WSCD2: variants seen among roughly 807,000 people sequenced by gnomAD.
WSCD2 encodes the protein sialate:O-sulfotransferase 2.
Under a neutral mutation model 55.7 loss-of-function variants are expected in WSCD2, and 28 were observed. That is an observed-to-expected ratio of 0.50 (90% CI 0.37 to 0.69). The LOEUF (loss-of-function observed/expected upper bound fraction) is 0.69. WSCD2 is among the 30% of genes least tolerant of loss of function. WSCD2 has a pLI of 0.00. For synonymous variants in WSCD2, 301 were observed against 301.9 expected (o/e 1.00, Z 0.03); for missense variants, 616 against 762.1 (o/e 0.81, Z 2.26).
In WSCD2 at chr12:108,249,774, C is replaced by T. The variant is rs1309007421; in HGVS notation, c.*1431C>T. ...TAAGAGGAATATGATTAATACATTC[C>T]GCCCCTTGGAACCTGGCCATGCAAA... On this transcript the variant is annotated 3_prime_UTR_variant, in exon 9 of 9. Transcript: ENST00000547525. 5 of 152,580 alleles carry T rather than the reference C, an allele frequency of 3.3e-5. No individual in the cohort carries two copies. Among genetic ancestry groups the T allele is most frequent in the South Asian group, 2.1e-4 (1 of 4,828 alleles). 9.5% of individuals were successfully genotyped at this position (152,580 alleles called of 1,614,324 possible).
At chr12:108,227,381 C>T (rs1050459062) in intron 6 of WSCD2, among the ~76,000 whole-genome samples, 2 of 152,240 alleles carry the variant, frequency 1.3e-5, no homozygotes, top group African/African-American at 4.8e-5. Flanking sequence ...ATCTCTATCC[C>T]TCATCACTGA....
At chr12:108,223,608 T>C (rs4964239) in intron 4 of WSCD2, among the ~76,000 whole-genome samples, 105,146 of 152,052 alleles carry the variant, frequency 0.69, 36,757 homozygotes, top group East Asian at 0.87. Context: ...TAAATCTTTG[T>C]GCACATCTGT....
chr12:108,204,779 G>T (rs1885121897), intron 2 of WSCD2, among the ~76,000 whole-genome samples: 1 of 152,222 alleles, frequency 6.6e-6, no homozygotes, highest in Admixed American at 6.5e-5. Flanking sequence ...TGAAAAAATA[G>T]TGCACTTAGC....
At chr12:108,159,322 T>TGTA (rs1878837114) in intron 1 of WSCD2, among the ~76,000 whole-genome samples, 1 of 152,212 alleles carries the variant, frequency 6.6e-6, no homozygotes, top group South Asian at 2.1e-4. Context: ...TACACCATAC[T>TGTA]CAGTCCTAAG....
intron 1 of WSCD2, among the ~76,000 whole-genome samples, chr12:108,150,577 A>G (rs1001592844): frequency 6.6e-6 from 1 of 152,156 alleles, no homozygotes; most frequent in East Asian, 1.9e-4. Flanking sequence ...GGAGTATGGT[A>G]GGAACACAGC....
chr12:108,136,528 G>T (rs528175730), intron 1 of WSCD2, among the ~76,000 whole-genome samples: 5 of 152,274 alleles, frequency 3.3e-5, no homozygotes, highest in Non-Finnish European at 5.9e-5. Flanking sequence ...TGTATGCAGG[G>T]TGTTTACAGT....
intron 2 of WSCD2, among the ~76,000 whole-genome samples, chr12:108,203,576 C>T (rs936423260): frequency 1.3e-5 from 2 of 152,180 alleles, no homozygotes; most frequent in African/African-American, 4.8e-5. Flanking sequence ...GATGGAAAAA[C>T]CTATCTAGAG....
At chr12:108,155,626 G>A (rs903895225) in intron 1 of WSCD2, among the ~76,000 whole-genome samples, 8 of 152,118 alleles carry the variant, frequency 5.3e-5, no homozygotes, top group Non-Finnish European at 1.2e-4. Context: ...TCTACCACTT[G>A]TGAGTTTTGT....
intron 2 of WSCD2, among the ~76,000 whole-genome samples, chr12:108,199,195 A>G (rs1398999150): frequency 6.6e-6 from 1 of 152,226 alleles, no homozygotes; most frequent in Non-Finnish European, 1.5e-5. Flanking sequence ...AACATATTAG[A>G]TTAACGCTAA....
intron 4 of WSCD2, among the ~76,000 whole-genome samples, chr12:108,211,803 G>C (rs534373327): frequency 2.1e-5 from 3 of 144,998 alleles, no homozygotes; most frequent in African/African-American, 7.7e-5. Flanking sequence ...AGAGTTTCCC[G>C]CCACCATGCC....
chr12:108,237,428 A>G (rs1034451920), intron 7 of WSCD2, among the ~76,000 whole-genome samples: 1 of 152,234 alleles, frequency 6.6e-6, no homozygotes, highest in African/African-American at 2.4e-5. Context: ...ATTTAAATAT[A>G]TCATGTTTAC....
At chr12:108,140,068 C>A (rs1367181968) in intron 1 of WSCD2, among the ~76,000 whole-genome samples, 1 of 152,138 alleles carries the variant, frequency 6.6e-6, no homozygotes, top group Non-Finnish European at 1.5e-5. Context: ...GAGTTCTCAG[C>A]CCAGGGCAAG....
intron 4 of WSCD2, among the ~76,000 whole-genome samples, chr12:108,223,537 A>C (rs1451524210): frequency 2.0e-5 from 3 of 152,166 alleles, no homozygotes; most frequent in African/African-American, 7.2e-5. Flanking sequence ...CTAGACACCT[A>C]GGTTGTTTCT....
At position 108,249,882 on chromosome 12, in the gene WSCD2, G is replaced by C. The variant is rs576121272; in HGVS notation, c.*1539G>C. 1.3e-5 allele frequency: 2 copies of C among 152,730 alleles called. No individual in the cohort carries two copies. The highest frequency in any genetic ancestry group is 4.1e-4 in the South Asian group (2 of 4,820). 9.5% of individuals were successfully genotyped at this position (152,730 alleles called of 1,614,324 possible). On this transcript the variant is annotated 3_prime_UTR_variant, in exon 9 of 9. Transcript: ENST00000547525. The stretch of plus-strand genomic sequence containing the variant: ...TTTGGGCTGCCCCAGGCCCACCCAG[G>C]GGGCTCTGAATGTATTTTGTACCGT...
At chr12:108,206,149 C>T (rs561909437) in intron 2 of WSCD2, 140 bp from the exon 3 acceptor site, 12 of 699,152 alleles carry the variant, frequency 1.7e-5, no homozygotes, top group Non-Finnish European at 5.0e-6. Context: ...GACTTTCACT[C>T]TCTCATTTCT....
In WSCD2 at chr12:108,224,693, T is replaced by G. The variant is rs530567954; in HGVS notation, c.683-46T>G. The G allele has an allele frequency of 3.1e-6, 5 of 1,587,876 alleles. No individual in the cohort carries two copies. In the African/African-American group the frequency reaches 5.4e-5, roughly 17 times the overall value. ...AGAATGTGGTTTTCCCAACCAGATC[T>G]GACTCCTTGTATATCTGACTAGTCC... On this transcript the variant is annotated intron_variant, in intron 4 of 8. Transcript: ENST00000547525.
chr12:108,210,371 A>G lies in WSCD2; in HGVS notation c.682+66A>G. 3 of 1,505,016 alleles carry G rather than the reference A, an allele frequency of 2.0e-6. No homozygotes were observed. Among genetic ancestry groups the G allele is most frequent in the Non-Finnish European group, 2.7e-6 (3 of 1,130,412 alleles). 93.2% of individuals were successfully genotyped at this position (1,505,016 alleles called of 1,614,324 possible). A position where few individuals can be genotyped will look rare whatever the true frequency, so the allele number is the denominator to read the frequency against. ...CAGCTGCAGCCCTTGCCCACCAAAG[A>G]GTCCCACATGTCTGCCCTGTACCCT... On this transcript the variant is annotated intron_variant, in intron 4 of 8. Coordinates refer to ENST00000547525, the MANE Select transcript of WSCD2 (RefSeq NM_014653.4). This position sits in a 1 kb window ranked among gnomAD's most constrained non-coding sequence, Gnocchi z 4.3.
intron 1 of WSCD2, among the ~76,000 whole-genome samples, chr12:108,147,890 A>G (rs1877569540): frequency 1.3e-5 from 2 of 151,670 alleles, no homozygotes; most frequent in South Asian, 4.2e-4. Context: ...AAAGAAAATG[A>G]CCATACTCTT....
intron 1 of WSCD2, among the ~76,000 whole-genome samples, chr12:108,137,477 A>G (rs1182294175): frequency 6.6e-6 from 1 of 152,216 alleles, no homozygotes; most frequent in Non-Finnish European, 1.5e-5. Flanking sequence ...GAGACTGTAG[A>G]ATGGTAGAGA....
Sources: gnomAD v4.1 joint callset for allele counts (sites outside exome capture counted in the v4.1 genomes callset) on GRCh38, gnomAD v4.1.1 for gene constraint, Gnocchi (gnomAD v3.1) non-coding constraint, MANE v1.5 for transcripts, NCBI Gene and HGNC (gene_info 2026-07-23, HGNC 2026-07-21) for gene names.